LARGE1: variants seen among roughly 807,000 people sequenced by gnomAD.
LARGE1 encodes the protein xylosyl- and glucuronyltransferase LARGE1.
In LARGE1, 43 loss-of-function variants were observed where a neutral mutation model predicts 87.6. The ratio of observed to expected loss-of-function variants is 0.49; its 90% CI spans 0.38 to 0.63. LARGE1 has a LOEUF of 0.63. LARGE1 is among the 30% of genes least tolerant of loss of function. LARGE1 has a pLI of 0.00. For synonymous variants in LARGE1, 434 were observed against 394.6 expected, an observed-to-expected ratio of 1.10 and a Z score of -1.18; for missense variants, 802 against 1,000.2, an observed-to-expected ratio of 0.80 and a Z score of 2.67.
intron 1 of LARGE1, among the ~76,000 whole-genome samples, chr22:33,914,255 G>T (rs976834332): frequency 1.1e-4 from 17 of 152,108 alleles, no homozygotes; most frequent in Non-Finnish European, 2.5e-4. Flanking sequence ...CCTGACTTGT[G>T]TATCTACCCA....
intron 9 of LARGE1, among the ~76,000 whole-genome samples, chr22:33,348,278 C>T (rs1357917637): frequency 6.1e-5 from 5 of 82,258 alleles, no homozygotes; most frequent in Admixed American, 3.8e-4. Flanking sequence ...GCTCCCCCAC[C>T]CACCCCCCCC....
chr22:33,098,560 A>G, the LARGE1 span, among the ~76,000 whole-genome samples: 1 of 152,148 alleles, frequency 6.6e-6, no homozygotes, highest in Admixed American at 6.6e-5. Flanking sequence ...GGCGGAGCTT[A>G]CAGTGAGCCT....
chr22:33,790,405 A>G (rs894443638), intron 1 of LARGE1, among the ~76,000 whole-genome samples: 1 of 152,202 alleles, frequency 6.6e-6, no homozygotes, highest in Non-Finnish European at 1.5e-5. Flanking sequence ...TAGCCCCTCA[A>G]TAACTATTGT....
intron 13 of LARGE1, 102 bp from the exon 14 acceptor site, chr22:33,277,357 CG>C (rs1466944161): frequency 2.9e-5 from 33 of 1,120,840 alleles, no homozygotes; most frequent in Non-Finnish European, 4.1e-5. Context: ...ATGTAGTCCT[CG>C]GGTGAGTTGA....
intron 1 of LARGE1, among the ~76,000 whole-genome samples, chr22:33,785,043 G>A (rs2085566635): frequency 6.7e-6 from 1 of 149,008 alleles, no homozygotes; most frequent in Non-Finnish European, 1.5e-5. Flanking sequence ...ACATATATGT[G>A]TATACATACA....
At chr22:33,262,947 C>T (rs1194710447) in intron 11 of LARGE1, among the ~76,000 whole-genome samples, 1 of 151,566 alleles carries the variant, frequency 6.6e-6, no homozygotes, top group Non-Finnish European at 1.5e-5. Flanking sequence ...GGTTGGACTG[C>T]AGTGGACTGA....
At chr22:33,555,655 G>A (rs1024544199) in intron 6 of LARGE1, among the ~76,000 whole-genome samples, 3 of 152,126 alleles carry the variant, frequency 2.0e-5, no homozygotes, top group Admixed American at 6.5e-5. Context: ...AGGGCCAGGC[G>A]TGGTGGCTCA....
intron 11 of LARGE1, among the ~76,000 whole-genome samples, chr22:33,258,565 A>G (rs1444789257): frequency 6.6e-6 from 1 of 152,214 alleles, no homozygotes; most frequent in East Asian, 1.9e-4. Flanking sequence ...CGGTATTTCT[A>G]GCCTCTAGAT....
chr22:33,525,030 G>A (rs2071811865), intron 6 of LARGE1, among the ~76,000 whole-genome samples: 1 of 152,194 alleles, frequency 6.6e-6, no homozygotes. Flanking sequence ...GGTTTAGGAA[G>A]GTGTAAATGT....
At chr22:33,762,417 G>T (rs1021054678) in intron 1 of LARGE1, among the ~76,000 whole-genome samples, 1 of 152,000 alleles carries the variant, frequency 6.6e-6, no homozygotes, top group Non-Finnish European at 1.5e-5. Flanking sequence ...CTGGGCAGAG[G>T]AGACTGAGAA....
At chr22:33,681,588 A>G (rs1317865316) in intron 2 of LARGE1, among the ~76,000 whole-genome samples, 1 of 152,248 alleles carries the variant, frequency 6.6e-6, no homozygotes, top group African/African-American at 2.4e-5. Context: ...ACTTGCTAGA[A>G]TAAGTATTTC....
chr22:33,783,395 T>A (rs1348204988), intron 1 of LARGE1, among the ~76,000 whole-genome samples: 2 of 152,078 alleles, frequency 1.3e-5, no homozygotes, highest in Non-Finnish European at 2.9e-5. Flanking sequence ...CAAAACCCCA[T>A]CTCTACTAAA....
chr22:33,442,494 G>A (rs1241594644), intron 6 of LARGE1, among the ~76,000 whole-genome samples: 1 of 152,108 alleles, frequency 6.6e-6, no homozygotes, highest in Non-Finnish European at 1.5e-5. Context: ...GGTAGGTTTG[G>A]GGACCTCTGA....
At chr22:33,908,670 A>C (rs1258839293) in intron 1 of LARGE1, among the ~76,000 whole-genome samples, 4 of 152,144 alleles carry the variant, frequency 2.6e-5, no homozygotes, top group Non-Finnish European at 5.9e-5. Context: ...GGGTAAGTAC[A>C]CAGAACATCC....
At chr22:33,566,689 T>A (rs992668253) in intron 5 of LARGE1, among the ~76,000 whole-genome samples, 7 of 152,172 alleles carry the variant, frequency 4.6e-5, no homozygotes, top group Non-Finnish European at 8.8e-5. Context: ...CCCTTATTTC[T>A]CCCTGCCCAC....
At chr22:33,384,447 T>C in intron 7 of LARGE1, 143 bp from the exon 8 acceptor site, 1 of 685,144 alleles carries the variant, frequency 1.5e-6, no homozygotes, top group South Asian at 1.6e-5. Flanking sequence ...TGCAGATGAG[T>C]CTTCCCTCTA....
chr22:33,738,867 A>T (rs534203320), intron 2 of LARGE1, among the ~76,000 whole-genome samples: 77 of 149,702 alleles, frequency 5.1e-4, no homozygotes, highest in Admixed American at 1.7e-3. Flanking sequence ...AAAAAGAGAG[A>T]CCATGCTTCC....
chr22:33,268,282 G>A (rs980930172), downstream of LARGE1, among the ~76,000 whole-genome samples: 11 of 151,102 alleles, frequency 7.3e-5, 1 homozygote, highest in African/African-American at 2.0e-4. Context: ...TTACATCGCC[G>A]TTTTGATGTA....
chr22:33,879,468 AG>A (rs932298595), intron 1 of LARGE1, among the ~76,000 whole-genome samples: 7 of 152,226 alleles, frequency 4.6e-5, no homozygotes, highest in African/African-American at 1.7e-4. Context: ...CCACCCAGCT[AG>A]TAAGTGGCAG....
Sources: gnomAD v4.1 joint callset for allele counts (sites outside exome capture counted in the v4.1 genomes callset) on GRCh38, gnomAD v4.1.1 for gene constraint, MANE v1.5 for transcripts, NCBI Gene and HGNC (gene_info 2026-07-23, HGNC 2026-07-21) for gene names.